TYW1B: variants seen among roughly 807,000 people sequenced by gnomAD.
TYW1B encodes S-adenosyl-L-methionine-dependent tRNA 4-demethylwyosine synthase TYW1B.
In TYW1B, 73 loss-of-function variants were observed where a neutral mutation model predicts 86.9. The observed-to-expected ratio is 0.84, with a 90% confidence interval of 0.70 to 1.02. The LOEUF is 1.02. Ranked by LOEUF, TYW1B falls within the 50% of genes least tolerant of loss-of-function variation. The pLI is 0.00. For synonymous variants in TYW1B, 248 were observed against 292.8 expected, an observed-to-expected ratio of 0.85 and a Z score of 1.56; for missense variants, 637 against 827.4, an observed-to-expected ratio of 0.77 and a Z score of 2.82.
intron 11 of TYW1B, among the ~76,000 whole-genome samples, chr7:72,670,573 G>A (rs564962694): frequency 1.7e-4 from 26 of 152,316 alleles, no homozygotes; most frequent in Admixed American, 1.4e-3. Context: ...ACAGAGGTTC[G>A]GTGGTTTGGC....
chr7:72,650,851 G>T (rs1377661011), intron 11 of TYW1B, among the ~76,000 whole-genome samples: 4 of 152,104 alleles, frequency 2.6e-5, no homozygotes, highest in African/African-American at 9.7e-5. Context: ...AAAGTGACAG[G>T]ACAGGCAATT....
At chr7:72,685,679 A>C (rs1554449250) in intron 11 of TYW1B, among the ~76,000 whole-genome samples, 2 of 152,222 alleles carry the variant, frequency 1.3e-5, no homozygotes, top group Non-Finnish European at 2.9e-5. Flanking sequence ...TACAAAATTA[A>C]ATGTAAAAGG....
intron 11 of TYW1B, among the ~76,000 whole-genome samples, chr7:72,693,153 C>T (rs541286062): frequency 4.6e-5 from 7 of 151,642 alleles, no homozygotes; most frequent in Admixed American, 1.3e-4. Context: ...GCACAAAGAA[C>T]GCTTAGAAAA....
intron 11 of TYW1B, among the ~76,000 whole-genome samples, chr7:72,647,778 A>G (rs1812964500): frequency 6.6e-6 from 1 of 151,726 alleles, no homozygotes; most frequent in Non-Finnish European, 1.5e-5. Context: ...TCGACTTCCC[A>G]GGCTCAAACC....
At chr7:72,781,789 A>G (rs1389900174) in intron 6 of TYW1B, among the ~76,000 whole-genome samples, 2 of 152,172 alleles carry the variant, frequency 1.3e-5, no homozygotes, top group African/African-American at 4.8e-5. Flanking sequence ...GCGTTGAAAG[A>G]AAACTCATAT....
intron 11 of TYW1B, among the ~76,000 whole-genome samples, chr7:72,646,454 C>T (rs1385295497): frequency 3.3e-5 from 5 of 152,070 alleles, no homozygotes; most frequent in African/African-American, 7.2e-5. Context: ...TCACTGCAGC[C>T]TTCACCTCCC....
chr7:72,826,447 C>G (rs1788930101), intron 2 of TYW1B, among the ~76,000 whole-genome samples: 1 of 152,132 alleles, frequency 6.6e-6, no homozygotes, highest in Non-Finnish European at 1.5e-5. Context: ...ATTTTTAAGG[C>G]TCATGATTTC....
At chr7:72,711,343 T>C (rs1554454730) in intron 10 of TYW1B, among the ~76,000 whole-genome samples, 1 of 152,142 alleles carries the variant, frequency 6.6e-6, no homozygotes, top group Admixed American at 6.6e-5. Flanking sequence ...TCTCCCGCCC[T>C]GAATCCTTGA....
chr7:72,679,437 T>TA, intron 11 of TYW1B, among the ~76,000 whole-genome samples: 1 of 152,302 alleles, frequency 6.6e-6, no homozygotes, highest in South Asian at 2.1e-4. Context: ...GAAGGCTACA[T>TA]AGCAGTTACA....
At chr7:72,678,705 C>A (rs1395697255) in intron 11 of TYW1B, among the ~76,000 whole-genome samples, 1 of 149,162 alleles carries the variant, frequency 6.7e-6, no homozygotes, top group African/African-American at 2.5e-5. Context: ...TCACGCCCAG[C>A]TAATTTTTGT....
chr7:72,649,281 T>C (rs1241396648), intron 11 of TYW1B, among the ~76,000 whole-genome samples: 2 of 152,272 alleles, frequency 1.3e-5, no homozygotes, highest in Middle Eastern at 3.4e-3. Context: ...GAAAGAAAGA[T>C]GCAACTATAA....
chr7:72,784,201 A>T (rs1158512811), intron 6 of TYW1B, among the ~76,000 whole-genome samples: 1 of 151,864 alleles, frequency 6.6e-6, no homozygotes, highest in Admixed American at 6.6e-5. Context: ...TAAGAGAAAG[A>T]GAAAATAAAC....
intron 10 of TYW1B, among the ~76,000 whole-genome samples, chr7:72,711,492 T>C: frequency 7.5e-6 from 1 of 134,222 alleles, no homozygotes. Flanking sequence ...TTTTTTTTTT[T>C]TTTTTTTTGC....
intron 13 of TYW1B, among the ~76,000 whole-genome samples, chr7:72,585,628 T>G (rs879987433): frequency 5.9e-5 from 9 of 152,164 alleles, no homozygotes; most frequent in Non-Finnish European, 1.0e-4. Context: ...TGTGCTATTC[T>G]GGAGACAGTG....
chr7:72,672,145 C>G (rs1410772233), intron 11 of TYW1B, among the ~76,000 whole-genome samples: 1 of 152,088 alleles, frequency 6.6e-6, no homozygotes, highest in Non-Finnish European at 1.5e-5. Flanking sequence ...TGCACAAGTT[C>G]TCTCATTTTT....
intron 4 of TYW1B, among the ~76,000 whole-genome samples, chr7:72,809,619 T>C (rs1788562915): frequency 6.6e-6 from 1 of 151,872 alleles, no homozygotes; most frequent in Admixed American, 6.6e-5. Context: ...GTCACTGCAT[T>C]CCAGCCTGGA....
intron 3 of TYW1B, among the ~76,000 whole-genome samples, chr7:72,814,744 T>C (rs1788689543): frequency 6.6e-6 from 1 of 151,260 alleles, no homozygotes; most frequent in African/African-American, 2.4e-5. Flanking sequence ...TGAGAGCCTG[T>C]CTCAATAAAA....
intron 7 of TYW1B, among the ~76,000 whole-genome samples, chr7:72,763,344 G>A (rs1417686022): frequency 6.2e-5 from 9 of 144,754 alleles, no homozygotes; most frequent in South Asian, 2.2e-4. Flanking sequence ...GTGCAGTGGC[G>A]TAGTCTCGGC....
At chr7:72,777,761 C>CA (rs1787982822) in intron 6 of TYW1B, among the ~76,000 whole-genome samples, 1 of 151,932 alleles carries the variant, frequency 6.6e-6, no homozygotes, top group African/African-American at 2.4e-5. Context: ...ACTAAAAATA[C>CA]AAAAATTAGC....
Sources: allele counts gnomAD v4.1 joint callset (sites outside exome capture counted in the v4.1 genomes callset), GRCh38; gene constraint gnomAD v4.1.1; transcripts MANE v1.5; gene names NCBI Gene and HGNC (gene_info 2026-07-23, HGNC 2026-07-21).